The following LOC400499 variants were observed in gnomAD, a reference collection of about 807,000 sequenced individuals.
the LOC400499 span, among the ~76,000 whole-genome samples, chr16:11,445,929 G>A: frequency 6.6e-6 from 1 of 151,290 alleles, no homozygotes; most frequent in South Asian, 2.1e-4. Context: ...TGCCTCCTGG[G>A]TTCTCCTGCC....
At chr16:11,508,339 G>C in the LOC400499 span, among the ~76,000 whole-genome samples, 2 of 152,208 alleles carry the variant, frequency 1.3e-5, no homozygotes, top group Non-Finnish European at 2.9e-5. Context: ...CAGGAGTTTC[G>C]GAGGAGGCCT....
the LOC400499 span, among the ~76,000 whole-genome samples, chr16:11,382,908 T>C: frequency 6.6e-6 from 1 of 151,520 alleles, no homozygotes; most frequent in African/African-American, 2.4e-5. Flanking sequence ...TACAGTGATA[T>C]AAAGGAGCAC....
the LOC400499 span, among the ~76,000 whole-genome samples, chr16:11,455,991 G>A: frequency 4.6e-4 from 70 of 151,166 alleles, no homozygotes; most frequent in African/African-American, 1.5e-3. Flanking sequence ...ACAAGGTATC[G>A]CTTCGATAAA....
chr16:11,385,094 G>A, the LOC400499 span: 140 of 1,232,098 alleles, frequency 1.1e-4, 1 homozygote, highest in Non-Finnish European at 4.4e-5. Flanking sequence ...TGGGCAGGAG[G>A]TCTGACCCAC....
chr16:11,380,664 G>A, the LOC400499 span, among the ~76,000 whole-genome samples: 1 of 151,932 alleles, frequency 6.6e-6, no homozygotes, highest in African/African-American at 2.4e-5. Flanking sequence ...TTAGATACTT[G>A]TCTGGTGTCC....
chr16:11,455,311 G>C, the LOC400499 span, among the ~76,000 whole-genome samples: 1 of 152,144 alleles, frequency 6.6e-6, no homozygotes, highest in East Asian at 1.9e-4. Flanking sequence ...TCTCTAGTAA[G>C]AAACCTATGG....
chr16:11,443,380 G>A, the LOC400499 span: 3 of 412,088 alleles, frequency 7.3e-6, no homozygotes, highest in South Asian at 3.4e-5. Context: ...GTCTGTGCAT[G>A]AACCTGGGAC....
At chr16:11,466,869 C>T in the LOC400499 span, among the ~76,000 whole-genome samples, 1 of 152,082 alleles carries the variant, frequency 6.6e-6, no homozygotes, top group Non-Finnish European at 1.5e-5. Flanking sequence ...TAAATTTTAT[C>T]AGCGCATGCT....
chr16:11,396,337 C>A, the LOC400499 span: 2 of 592,832 alleles, frequency 3.4e-6, no homozygotes, highest in Non-Finnish European at 4.9e-6. Flanking sequence ...AGCAGGCGTT[C>A]CCCCGACCCA....
chr16:11,477,986 T>G, the LOC400499 span: 1 of 398,830 alleles, frequency 2.5e-6, no homozygotes, highest in Non-Finnish European at 4.4e-6. Flanking sequence ...CAGCCTCCGG[T>G]TCATCTGCAC....
chr16:11,426,435 T>A, the LOC400499 span, among the ~76,000 whole-genome samples: 1 of 152,040 alleles, frequency 6.6e-6, no homozygotes, highest in African/African-American at 2.4e-5. Flanking sequence ...AGGGCAAGAC[T>A]CTGTCTCTAA....
At chr16:11,506,439 G>A in the LOC400499 span, among the ~76,000 whole-genome samples, 3 of 152,164 alleles carry the variant, frequency 2.0e-5, no homozygotes, top group Non-Finnish European at 4.4e-5. Context: ...CACTGTCTAT[G>A]CCATTTCGTG....
At chr16:11,412,203 T>C in the LOC400499 span, among the ~76,000 whole-genome samples, 1 of 152,050 alleles carries the variant, frequency 6.6e-6, no homozygotes, top group Non-Finnish European at 1.5e-5. Flanking sequence ...CTACACCCTC[T>C]TGTCAGGTTC....
the LOC400499 span, among the ~76,000 whole-genome samples, chr16:11,443,651 A>C: frequency 6.6e-6 from 1 of 152,056 alleles, no homozygotes; most frequent in South Asian, 2.1e-4. Flanking sequence ...ACAACGCTAC[A>C]TTGTAATCGT....
the LOC400499 span, chr16:11,488,834 A>T: frequency 1.3e-5 from 5 of 398,806 alleles, no homozygotes; most frequent in South Asian, 6.4e-4. Context: ...CGTCTCCAGC[A>T]GCTGCAGGAT....
chr16:11,443,983 T>C, the LOC400499 span, among the ~76,000 whole-genome samples: 28 of 152,206 alleles, frequency 1.8e-4, no homozygotes, highest in African/African-American at 6.7e-4. Flanking sequence ...TATAGGCACC[T>C]GCCACTATGC....
At chr16:11,432,863 ATCT>A in the LOC400499 span, among the ~76,000 whole-genome samples, 1 of 152,212 alleles carries the variant, frequency 6.6e-6, no homozygotes, top group African/African-American at 2.4e-5. Context: ...TCAGAGCCAA[ATCT>A]TCAGCTGAGC....
chr16:11,376,602 A>C, the LOC400499 span, among the ~76,000 whole-genome samples: 1 of 152,222 alleles, frequency 6.6e-6, no homozygotes, highest in Non-Finnish European at 1.5e-5. Context: ...AGCTTTCAAC[A>C]AATTTTGAAA....
chr16:11,459,636 C>G, the LOC400499 span, among the ~76,000 whole-genome samples: 1 of 152,230 alleles, frequency 6.6e-6, no homozygotes, highest in South Asian at 2.1e-4. Context: ...GCGAACCGCT[C>G]TTTCAAAAAT....
Sources: allele counts gnomAD v4.1 joint callset (sites outside exome capture counted in the v4.1 genomes callset), GRCh38; gene constraint gnomAD v4.1.1; transcripts MANE v1.5.